Variants in YLPM1 observed in about 807,000 individuals in gnomAD.
The protein encoded by YLPM1 is YLP motif-containing protein 1.
A neutral mutation model predicts 230.0 loss-of-function variants in YLPM1; 99 were observed. The ratio of observed to expected loss-of-function variants is 0.43; its 90% CI spans 0.37 to 0.51. The LOEUF is 0.51. Among genes scored for constraint, YLPM1 ranks in the 20% least tolerant of loss-of-function variants. The probability of loss-of-function intolerance (pLI) is 0.00; values close to 1 mark genes in which losing one functional copy is unlikely to be tolerated. For missense variants in YLPM1, 2,592 were observed against 2,707.7 expected (o/e 0.96, Z 0.95); for synonymous variants, 984 against 942.5 (o/e 1.04, Z -0.81).
chr14:74,799,806 T>C (rs1350920078), intron 5 of YLPM1, 109 bp downstream of exon 5: 1 of 1,407,730 alleles, frequency 7.1e-7, no homozygotes, highest in Non-Finnish European at 9.3e-7. Context: ...CAAGTTCTTA[T>C]CACATACTTT....
intron 18 of YLPM1, among the ~76,000 whole-genome samples, chr14:74,825,581 A>G (rs564501257): frequency 1.8e-4 from 27 of 152,288 alleles, no homozygotes; most frequent in African/African-American, 6.3e-4. Flanking sequence ...TACTTTTAAA[A>G]TAATAATAAT....
intron 1 of YLPM1, among the ~76,000 whole-genome samples, chr14:74,766,313 G>C (rs1237054648): frequency 6.6e-6 from 1 of 151,986 alleles, no homozygotes; most frequent in East Asian, 1.9e-4. Flanking sequence ...ATTATTCTTT[G>C]ATTCATATTT....
Position 74,780,571 on chromosome 14 carries a change from C to T in YLPM1, c.1277C>T (p.Pro426Leu). The T allele has an allele frequency of 6.2e-7, 1 of 1,611,370 alleles. No individual in the cohort carries two copies. Among genetic ancestry groups the T allele is most frequent in the Non-Finnish European group, 8.5e-7 (1 of 1,178,134 alleles). ...LQQYQQIIQPPPHIQTMSVDM... is the reference protein window; with the variant it reads ...LQQYQQIIQPLPHIQTMSVDM... The stretch of plus-strand genomic sequence containing the variant: ...CAGTATCAGCAGATTATACAGCCCC[C>T]ACCACATATACAGGCAAGTGCTTCC... The change falls in exon 3 of 21, where the codon CCA becomes CTA. Residue 426 changes from proline to leucine, a missense_variant. This residue lies in a region of YLPM1 where 1,862 missense variants were observed against 1,819.8 expected (regional missense o/e 1.02). Coordinates refer to ENST00000325680, the MANE Select transcript of YLPM1 (RefSeq NM_019589.3).
chr14:74,781,734 T>G lies in YLPM1; in HGVS notation c.1691T>G (p.Val564Gly), dbSNP rs2091095409. The G allele has an allele frequency of 1.9e-6, 3 of 1,579,888 alleles. No individual in the cohort carries two copies. Among genetic ancestry groups the G allele is most frequent in the Non-Finnish European group, 2.6e-6 (3 of 1,164,200 alleles). Residue 564 changes from valine to glycine, a missense_variant, in exon 4 of 21, where the codon GTT (valine) becomes GGT (glycine). This residue lies in a region of YLPM1 where 1,862 missense variants were observed against 1,819.8 expected (regional missense o/e 1.02). Coordinates refer to ENST00000325680, the MANE Select transcript of YLPM1 (RefSeq NM_019589.3). ...TVPPPGMPPP[V>G]MPPSLPTSVP... ...CCACCACCTGGCATGCCCCCACCTG[T>G]TATGCCACCTTCTCTACCAACCTCT...
chr14:74,817,026 C>G lies in YLPM1; in HGVS notation c.5781C>G (p.Pro1927=), dbSNP rs754567200. The G allele has an allele frequency of 1.9e-6, 3 of 1,611,526 alleles. No homozygotes were observed. In the Admixed American group the frequency reaches 5.0e-5, roughly 27 times the overall value. Residue 1927 remains proline (P), a synonymous_variant, in exon 14 of 21, where the codon CCC becomes CCG. Coordinates refer to ENST00000325680, the MANE Select transcript of YLPM1 (RefSeq NM_019589.3). ...AGACTCTGGATGATGGCTTTTTTCC[C>G]TTCATCATCCTGGATGCCATCAATG... is the stretch of plus-strand genomic sequence containing the variant. ...FKKTLDDGFF[P]FIILDAINDR...
rs145293312 is a variant in YLPM1, at chr14:74,779,484, A to T, written c.1110+801A>T. ...CTCAGCTTAGTGACTGGCACATGGG[A>T]GGTTCTCATATTGGTCCAAAGGTCA... On this transcript the variant is annotated intron_variant, in intron 2 of 20. Transcript: ENST00000325680. Among the ~76,000 whole-genome samples, 39 of 152,258 alleles carry T rather than the reference A, an allele frequency of 2.6e-4. No homozygotes were observed. In the East Asian group the frequency reaches 6.8e-3, roughly 26 times the overall value.
intron 18 of YLPM1, chr14:74,827,485 A>G: frequency 2.0e-6 from 2 of 985,434 alleles, no homozygotes; most frequent in South Asian, 4.7e-5. Context: ...CAGACTAGAA[A>G]TACATGCTCT....
At chr14:74,813,439 G>A (rs1278427526) in intron 11 of YLPM1, among the ~76,000 whole-genome samples, 1 of 150,696 alleles carries the variant, frequency 6.6e-6, no homozygotes, top group African/African-American at 2.4e-5. Context: ...TTCCATTCAG[G>A]TTCCCTTTAT....
At chr14:74,829,004 T>C (rs1329679377) in intron 18 of YLPM1, among the ~76,000 whole-genome samples, 1 of 152,196 alleles carries the variant, frequency 6.6e-6, no homozygotes, top group Admixed American at 6.5e-5. Context: ...GTAAACATAA[T>C]GGCTACCAGT....
intron 5 of YLPM1, among the ~76,000 whole-genome samples, chr14:74,800,189 T>C (rs1007232657): frequency 4.6e-5 from 7 of 152,258 alleles, no homozygotes; most frequent in African/African-American, 1.7e-4. Context: ...CTATTGATAC[T>C]TTCTTTTGGG....
intron 6 of YLPM1, 145 bp from the exon 7 acceptor site, chr14:74,809,235 A>G (rs1451550244): frequency 1.9e-6 from 2 of 1,039,368 alleles, no homozygotes; most frequent in African/African-American, 1.7e-5. Flanking sequence ...ATTTTTTTTG[A>G]TGGTATGTTT....
At chr14:74,768,604 A>C (rs990177146) in intron 1 of YLPM1, among the ~76,000 whole-genome samples, 1 of 152,242 alleles carries the variant, frequency 6.6e-6, no homozygotes, top group Non-Finnish European at 1.5e-5. Flanking sequence ...TGATTTATTT[A>C]GTTAAAGCTG....
chr14:74,827,558 C>A (rs749020422), intron 18 of YLPM1: 1 of 985,416 alleles, frequency 1.0e-6, no homozygotes, highest in Non-Finnish European at 1.2e-6. Flanking sequence ...AGGAAAAGTT[C>A]TTGCAGTTTT....
At chr14:74,808,655 T>C (rs1425078586) in intron 6 of YLPM1, among the ~76,000 whole-genome samples, 1 of 151,932 alleles carries the variant, frequency 6.6e-6, no homozygotes, top group African/African-American at 2.4e-5. Flanking sequence ...ATACAAAAAA[T>C]CAGCTGGGCG....
chr14:74,806,583 CA>C (rs1257036557), intron 6 of YLPM1, among the ~76,000 whole-genome samples: 1 of 151,492 alleles, frequency 6.6e-6, no homozygotes, highest in Admixed American at 6.6e-5. Flanking sequence ...GACTCTGTCT[CA>C]AAAAAATATA....
At chr14:74,813,145 C>T (rs539109878) in intron 11 of YLPM1, among the ~76,000 whole-genome samples, 3 of 152,260 alleles carry the variant, frequency 2.0e-5, no homozygotes, top group East Asian at 1.9e-4. Flanking sequence ...TCCAAATGTG[C>T]GCATTCTATT....
chr14:74,809,928 T>C lies in YLPM1; in HGVS notation c.4958T>C (p.Val1653Ala), dbSNP rs1467869408. Residue 1653 changes from valine (V) to alanine (A), a missense_variant, in exon 8 of 21, where the codon GTT becomes GCT. Val to Ala is a moderately conservative substitution (Grantham distance 64). This residue lies in a region of YLPM1 where 403 missense variants were observed against 426.7 expected (regional missense o/e 0.94). Coordinates refer to ENST00000325680, the MANE Select transcript of YLPM1 (RefSeq NM_019589.3). ...TTACCAGATATATCCACTAATAAAG[T>C]TGAACAGATACCTTATGGAGAAAGA... ...GHGRDISTNK[V>A]EQIPYGERIT... The C allele has an allele frequency of 3.1e-6, 5 of 1,608,780 alleles. No homozygotes were observed. Among genetic ancestry groups the C allele is most frequent in the African/African-American group, 2.7e-5 (2 of 74,952 alleles).
chr14:74,794,957 TG>T (rs58158508), intron 4 of YLPM1, among the ~76,000 whole-genome samples: 18,644 of 152,250 alleles, frequency 0.12, 1,788 homozygotes, highest in African/African-American at 0.27. Context: ...CCTTGCCTCA[TG>T]GGGTGACCCA....
At chr14:74,807,461 T>G (rs1195291773) in intron 6 of YLPM1, among the ~76,000 whole-genome samples, 1 of 152,030 alleles carries the variant, frequency 6.6e-6, no homozygotes, top group Non-Finnish European at 1.5e-5. Context: ...GCGAGAAGAT[T>G]ACTTGAGGCC....
Sources: gnomAD v4.1 joint callset for allele counts (sites outside exome capture counted in the v4.1 genomes callset) on GRCh38, gnomAD v4.1.1 for gene constraint, gnomAD v4.1.1 regional missense constraint, MANE v1.5 for transcripts, NCBI Gene and HGNC (gene_info 2026-07-23, HGNC 2026-07-21) for gene names.